The following CCL3 variants were observed in gnomAD, a reference collection of about 807,000 sequenced individuals.
CCL3 encodes C-C motif chemokine 3.
CCL3 carries 6 observed loss-of-function variants against 8.1 expected under a neutral mutation model. That is an observed-to-expected ratio of 0.74 (90% CI 0.41 to 1.46). The LOEUF (loss-of-function observed/expected upper bound fraction) is 1.46. Ranked by LOEUF, CCL3 falls within the 40% of genes most tolerant of loss-of-function variation. The pLI is 0.02. For synonymous variants in CCL3, 45 were observed against 45.1 expected (o/e 1.00, Z 0.01); for missense variants, 109 against 117.7 (o/e 0.93, Z 0.34).
intron 1 of CCL3, 30 bp downstream of exon 1, chr17:36,089,955 TG>T: frequency 6.3e-7 from 1 of 1,593,986 alleles, no homozygotes; most frequent in Non-Finnish European, 8.6e-7. Context: ...GGCCAGAGAG[TG>T]GTGATACCCA....
chr17:36,089,107 A>G lies in CCL3; in HGVS notation c.188+76T>C, dbSNP rs1719131. ...CCTGAAGGCTGGGCCTTTCCAGGATAGCCTTCTGGCCTGTCTCTGCCCCAA... is the reference window on the plus strand; with the variant it reads ...CCTGAAGGCTGGGCCTTTCCAGGATGGCCTTCTGGCCTGTCTCTGCCCCAA... On this transcript the variant is annotated intron_variant, in intron 2 of 2. Transcript: ENST00000613922. 12,607 of 1,579,406 alleles carry G rather than the reference A, an allele frequency of 8.0e-3. 465 individuals carry two copies. In the African/African-American group the frequency reaches 0.11, roughly 13 times the overall value.
intron 1 of CCL3, 157 bp downstream of exon 1, chr17:36,089,829 A>G: frequency 1.3e-6 from 1 of 779,974 alleles, no homozygotes; most frequent in Non-Finnish European, 2.3e-6. Context: ...CCCCTTCTAG[A>G]GATAAAAATA....
chr17:36,089,541 C>A (rs1437228458), intron 1 of CCL3: 1 of 616,502 alleles, frequency 1.6e-6, no homozygotes, highest in Non-Finnish European at 2.9e-6. Flanking sequence ...GTTCTCTTAT[C>A]TCAGTTCTCT....
chr17:36,088,923 ACT>A (rs1364292433), intron 2 of CCL3, among the ~76,000 whole-genome samples, 161 bp from the exon 3 acceptor site: 2 of 151,232 alleles, frequency 1.3e-5, no homozygotes, highest in African/African-American at 4.8e-5. Context: ...TCTCTCAGTG[ACT>A]CAGTAGGGGT....
At chr17:36,089,843 G>T (rs888050361) in intron 1 of CCL3, 143 bp downstream of exon 1, 25 of 826,912 alleles carry the variant, frequency 3.0e-5, no homozygotes, top group Non-Finnish European at 4.7e-5. Context: ...AAAAATAAAA[G>T]TCTTAAAGAG....
intron 1 of CCL3, 65 bp downstream of exon 1, chr17:36,089,921 A>G: frequency 1.3e-6 from 2 of 1,484,426 alleles, no homozygotes; most frequent in Non-Finnish European, 1.9e-6. Context: ...AGGCCACAAG[A>G]AAAGATTGAT....
In CCL3 at chr17:36,089,316, A is replaced by G. The variant is rs774369324; in HGVS notation, c.74-19T>C. The G allele has an allele frequency of 3.7e-6, 6 of 1,613,960 alleles. No individual in the cohort carries two copies. The East Asian group carries it at 1.1e-4, about 30-fold the overall frequency. On this transcript the variant is annotated intron_variant, in intron 1 of 2. Transcript: ENST00000613922. ...GCAGCAACTGTGGAGAAAGGAAGAG[A>G]ATGAGCCCGAGTCACAGCTCAGAAG...
chr17:36,089,760 G>C, intron 1 of CCL3: 2 of 714,182 alleles, frequency 2.8e-6, no homozygotes, highest in Non-Finnish European at 5.2e-6. Flanking sequence ...TCTGTAAAAG[G>C]GACTGTAACT....
Position 36,090,028 on chromosome 17 carries a change from G to A in CCL3, c.31C>T (p.Leu11Phe). The A allele has an allele frequency of 6.2e-7, 1 of 1,613,746 alleles. No individual in the cohort carries two copies. Among genetic ancestry groups the A allele is most frequent in the Non-Finnish European group, 8.5e-7 (1 of 1,180,030 alleles). ...TTGCAGAGAGCCATGGTGCAGAGGA[G>A]GACAGCAAGGGCAGCAGTGGAGACC... MQVSTAALAV[L>F]LCTMALCNQF... Residue 11 changes from leucine to phenylalanine, a missense_variant, in exon 1 of 3, where the codon CTC becomes TTC. Physicochemically the swap from Leu to Phe is conservative, Grantham distance 22. Coordinates refer to ENST00000613922, the MANE Select transcript of CCL3 (RefSeq NM_002983.3).
chr17:36,088,481 A>G lies in CCL3; in HGVS notation c.*191T>C, dbSNP rs2067006505. ...AAACACACTGTGAAATCGAAAATAAATTACAAAAACTAAATAGTATAAATA... is the reference window on the plus strand; with the variant it reads ...AAACACACTGTGAAATCGAAAATAAGTTACAAAAACTAAATAGTATAAATA... On this transcript the variant is annotated 3_prime_UTR_variant, in exon 3 of 3. Transcript: ENST00000613922. The G allele has an allele frequency of 6.3e-6, 4 of 636,352 alleles. No homozygotes were observed. The South Asian group carries it at 8.1e-5, about 13-fold the overall frequency. 39.4% of individuals were successfully genotyped at this position (636,352 alleles called of 1,614,324 possible). A position where few individuals can be genotyped will look rare whatever the true frequency, so the allele number is the denominator to read the frequency against.
Position 36,088,536 on chromosome 17 carries a change from C to T in CCL3, c.*136G>A, listed in dbSNP as rs187371717. 5.1e-4 allele frequency: 436 copies of T among 852,628 alleles called. 3 individuals carry two copies. In the African/African-American group the frequency reaches 6.8e-3, roughly 13 times the overall value. The allele number at this position is 852,628 out of a possible 1,614,324, so 52.8% of individuals were successfully genotyped here. ...AAAATTTAAGTTAAGAAGAGTCCCA[C>T]AGTGTGGCTGTTTGGCAACAACCAG... is the stretch of plus-strand genomic sequence containing the variant. On this transcript the variant is annotated 3_prime_UTR_variant, in exon 3 of 3. Coordinates refer to ENST00000613922, the MANE Select transcript of CCL3 (RefSeq NM_002983.3).
At position 36,090,142 on chromosome 17, in the gene CCL3, C is replaced by T; in HGVS notation, c.-84G>A. 3.0e-6 allele frequency: 4 copies of T among 1,333,428 alleles called. No individual in the cohort carries two copies. The highest frequency in any genetic ancestry group is 4.2e-6 in the Non-Finnish European group (4 of 946,486). The allele number at this position is 1,333,428 out of a possible 1,614,324, so 82.6% of individuals were successfully genotyped here. ...ACCACTGTCTGCTGCCCGTGTCCTT[C>T]TGAAGTCTGAAACCAGCTCTCCTCT... On this transcript the variant is annotated 5_prime_UTR_variant, in exon 1 of 3. Coordinates refer to ENST00000613922, the MANE Select transcript of CCL3 (RefSeq NM_002983.3).
Position 36,090,130 on chromosome 17 carries a change from G to T in CCL3, c.-72C>A. ...AAGAAAGGACTGACCACTGTCTGCTGCCCGTGTCCTTCTGAAGTCTGAAAC... is the reference window on the plus strand; with the variant it reads ...AAGAAAGGACTGACCACTGTCTGCTTCCCGTGTCCTTCTGAAGTCTGAAAC... On this transcript the variant is annotated 5_prime_UTR_variant, in exon 1 of 3. Coordinates refer to ENST00000613922, the MANE Select transcript of CCL3 (RefSeq NM_002983.3). The T allele has an allele frequency of 7.1e-7, 1 of 1,414,270 alleles. No individual in the cohort carries two copies. The allele number at this position is 1,414,270 out of a possible 1,614,324, so 87.6% of individuals were successfully genotyped here.
At chr17:36,089,876 C>G in intron 1 of CCL3, 110 bp downstream of exon 1, 1 of 1,028,016 alleles carries the variant, frequency 9.7e-7, no homozygotes, top group Non-Finnish European at 1.5e-6. Flanking sequence ...GTTTGGCAGC[C>G]CTTTAAGAAG....
intron 1 of CCL3, chr17:36,089,654 A>G (rs559415629): frequency 4.6e-6 from 3 of 651,636 alleles, no homozygotes; most frequent in South Asian, 3.1e-5. Context: ...GGAGACCTAG[A>G]GTGAGCTGGA....
rs936559517 is a variant in CCL3 at position 36,089,734 on chromosome 17, G to C, written c.73+252C>G. Reference sequence around the variant, plus strand: ...TGCCTCTTGCTAACTGATTCGTTTCGAACCCTGTTTTTCTATCTGTAAAAG... The same window carrying C: ...TGCCTCTTGCTAACTGATTCGTTTCCAACCCTGTTTTTCTATCTGTAAAAG... On this transcript the variant is annotated intron_variant, in intron 1 of 2. Coordinates refer to ENST00000613922, the MANE Select transcript of CCL3 (RefSeq NM_002983.3). 10 of 701,772 alleles carry C rather than the reference G, an allele frequency of 1.4e-5. No homozygotes were observed. The East Asian group carries it at 2.5e-4, about 18-fold the overall frequency. 43.5% of individuals were successfully genotyped at this position (701,772 alleles called of 1,614,324 possible).
intron 1 of CCL3, 81 bp from the exon 2 acceptor site, chr17:36,089,378 G>A (rs1416603389): frequency 4.0e-5 from 64 of 1,585,038 alleles, no homozygotes; most frequent in Non-Finnish European, 5.3e-5. Flanking sequence ...GAGCAGTTGA[G>A]GAAGGCAGGC....
intron 2 of CCL3, 21 bp downstream of exon 2, chr17:36,089,162 A>G: frequency 1.2e-6 from 2 of 1,613,734 alleles, no homozygotes; most frequent in Non-Finnish European, 8.5e-7. Context: ...CATAGAGGTG[A>G]GCAGGAAGAC....
At chr17:36,089,871 G>A in intron 1 of CCL3, 115 bp downstream of exon 1, 1 of 974,654 alleles carries the variant, frequency 1.0e-6, no homozygotes, top group East Asian at 2.6e-5. Context: ...AAGATGTTTG[G>A]CAGCCCTTTA....
Sources: allele counts gnomAD v4.1 joint callset (sites outside exome capture counted in the v4.1 genomes callset), GRCh38; gene constraint gnomAD v4.1.1; transcripts MANE v1.5; gene names NCBI Gene and HGNC (gene_info 2026-07-23, HGNC 2026-07-21).